Variants in AGMO observed in about 807,000 individuals in gnomAD.
AGMO encodes the protein glyceryl-ether monooxygenase.
Under a neutral mutation model 60.2 loss-of-function variants are expected in AGMO, and 75 were observed. That is an observed-to-expected ratio of 1.25 (90% confidence interval 1.03 to 1.51). The LOEUF (loss-of-function observed/expected upper bound fraction) is 1.51, where lower values mean the gene tolerates loss of function less well. Among genes scored for constraint, AGMO ranks in the 40% most tolerant of loss-of-function variants. The pLI, the probability that AGMO is intolerant of heterozygous loss-of-function variation, is 0.00. For synonymous variants in AGMO, 261 were observed against 177.1 expected, an observed-to-expected ratio of 1.47 and a Z score of -3.76; for missense variants, 763 against 525.5, an observed-to-expected ratio of 1.45 and a Z score of -4.42.
rs769211480 is a variant in AGMO at position 15,555,971 on chromosome 7, A to G, written c.257+4170T>C. Among the ~76,000 whole-genome samples the G allele has an allele frequency of 8.1e-4, 123 of 152,054 alleles. 1 individual carries two copies. The highest frequency in any genetic ancestry group is 2.4e-3 in the Admixed American group (36 of 15,238). On this transcript the variant is annotated intron_variant, in intron 2 of 12. Coordinates refer to ENST00000342526, the MANE Select transcript of AGMO (RefSeq NM_001004320.2). ...TAAGTTAATACATTTAGTATTAATA[A>G]TAAAGTACTATTATTAACGTTACAC...
At chr7:15,547,797 A>G (rs1287745489) in intron 2 of AGMO, among the ~76,000 whole-genome samples, 1 of 151,848 alleles carries the variant, frequency 6.6e-6, no homozygotes, top group African/African-American at 2.4e-5. Flanking sequence ...GGAAGCTCCA[A>G]CTGGGTGGAA....
At chr7:15,269,734 G>A (rs1037463359) in intron 12 of AGMO, among the ~76,000 whole-genome samples, 4 of 151,958 alleles carry the variant, frequency 2.6e-5, no homozygotes, top group Non-Finnish European at 5.9e-5. Flanking sequence ...GAAACCAATA[G>A]GTAAGGCTTC....
intron 2 of AGMO, among the ~76,000 whole-genome samples, chr7:15,551,257 T>C (rs1225283030): frequency 2.0e-5 from 3 of 151,998 alleles, no homozygotes; most frequent in East Asian, 1.9e-4. Context: ...AAAACTGGCA[T>C]AAGATAGGGA....
At chr7:15,406,316 T>A (rs1195119988) in intron 5 of AGMO, among the ~76,000 whole-genome samples, 3 of 145,578 alleles carry the variant, frequency 2.1e-5, no homozygotes. Flanking sequence ...TACATATATA[T>A]GTGTATATAT....
chr7:15,298,855 A>G (rs976932117), intron 12 of AGMO, among the ~76,000 whole-genome samples: 3 of 152,180 alleles, frequency 2.0e-5, no homozygotes, highest in Non-Finnish European at 4.4e-5. Context: ...TTAGTATAAC[A>G]TATCTTCTGA....
chr7:15,266,556 T>C (rs1019884854), intron 12 of AGMO, among the ~76,000 whole-genome samples: 1 of 151,928 alleles, frequency 6.6e-6, no homozygotes, highest in Non-Finnish European at 1.5e-5. Flanking sequence ...CTATTTCCAT[T>C]TGTCTTCTGC....
At chr7:15,287,339 C>G (rs1784126877) in intron 12 of AGMO, among the ~76,000 whole-genome samples, 1 of 152,118 alleles carries the variant, frequency 6.6e-6, no homozygotes. Context: ...CTAGAAATGT[C>G]TCATATCTGA....
At chr7:15,450,717 A>T (rs375955965) in intron 3 of AGMO, among the ~76,000 whole-genome samples, 155 of 152,278 alleles carry the variant, frequency 1.0e-3, no homozygotes, top group African/African-American at 3.4e-3. Context: ...AATTTAGCAA[A>T]TAATGTGCCC....
intron 12 of AGMO, chr7:15,358,404 TAATA>T (rs1562455515): frequency 4.2e-6 from 2 of 471,308 alleles, no homozygotes; most frequent in South Asian, 3.1e-5. Flanking sequence ...TAAGAAGGCA[TAATA>T]ATTAGATTGC....
At chr7:15,281,400 A>C (rs569624456) in intron 12 of AGMO, among the ~76,000 whole-genome samples, 1 of 152,224 alleles carries the variant, frequency 6.6e-6, no homozygotes, top group African/African-American at 2.4e-5. Context: ...TCTCCACAGG[A>C]GAAGGGCCCT....
rs566897456 is a variant in AGMO, at chr7:15,210,600, A to G, written c.1264-9241T>C. On this transcript the variant is annotated intron_variant, in intron 12 of 12. Transcript: ENST00000342526. ...AAAGGAATTGGAGCTTCAGTAATCT[A>G]TATTACTAGGTAACTAACTGTTCAA... 4.6e-5 allele frequency among the ~76,000 whole-genome samples: 7 copies of G among 152,264 alleles called. No individual in the cohort carries two copies. The East Asian group carries it at 1.4e-3, about 29-fold the overall frequency.
chr7:15,299,388 A>T (rs10252826), intron 12 of AGMO, among the ~76,000 whole-genome samples: 5,850 of 152,188 alleles, frequency 0.038, 346 homozygotes, highest in African/African-American at 0.13. Context: ...GTCCCCGAGC[A>T]GACTCTCTGA....
chr7:15,161,838 G>A, the AGMO span, among the ~76,000 whole-genome samples: 1 of 151,964 alleles, frequency 6.6e-6, no homozygotes, highest in Non-Finnish European at 1.5e-5. Flanking sequence ...TATGTGGCCT[G>A]CACAGATGAA....
rs62449265 is a variant in AGMO, at chr7:15,384,277, A to G, written c.1074+1169T>C. Among the ~76,000 whole-genome samples the G allele has an allele frequency of 6.5e-3, 997 of 152,222 alleles. 14 individuals carry two copies. Among genetic ancestry groups the G allele is most frequent in the Non-Finnish European group, 5.6e-3 (380 of 68,004 alleles). ...TTTTAATGCACTAGTTTAAGCTGCT[A>G]TGTAAGCCATTGAGTGTTGCATGCT... On this transcript the variant is annotated intron_variant, in intron 10 of 12. Coordinates refer to ENST00000342526, the MANE Select transcript of AGMO (RefSeq NM_001004320.2).
At chr7:15,172,616 T>C in the AGMO span, among the ~76,000 whole-genome samples, 9 of 152,240 alleles carry the variant, frequency 5.9e-5, no homozygotes, top group Non-Finnish European at 1.2e-4. Context: ...TAATTGAAGT[T>C]CCAGTGAGAG....
intron 12 of AGMO, among the ~76,000 whole-genome samples, chr7:15,270,808 T>TTTAA (rs112862277): frequency 0.12 from 17,690 of 151,312 alleles, 3,484 homozygotes; most frequent in African/African-American, 0.41. Context: ...TATTTAAGTC[T>TTTAA]TTAATTTTTA....
intron 3 of AGMO, among the ~76,000 whole-genome samples, chr7:15,534,002 C>A (rs1159538827): frequency 6.6e-6 from 1 of 151,944 alleles, no homozygotes; most frequent in Non-Finnish European, 1.5e-5. Context: ...AAACTATATA[C>A]TATACATACT....
In AGMO at chr7:15,534,282, A is replaced by G. The variant is rs375084865; in HGVS notation, c.409+10490T>C. On this transcript the variant is annotated intron_variant, in intron 3 of 12. Transcript: ENST00000342526. ...ACATTTTAAAATATAGGCAAAATGT[A>G]CACATTCTAATGGATTTTATTTCTT... Among the ~76,000 whole-genome samples the G allele has an allele frequency of 2.2e-4, 34 of 152,172 alleles. No individual in the cohort carries two copies. The East Asian group carries it at 5.8e-3, about 26-fold the overall frequency.
intron 3 of AGMO, among the ~76,000 whole-genome samples, chr7:15,444,178 A>C (rs1211357803): frequency 6.6e-6 from 1 of 152,186 alleles, no homozygotes; most frequent in African/African-American, 2.4e-5. Flanking sequence ...TATGCTAATC[A>C]GGTAAAATTG....
Sources: allele counts gnomAD v4.1 joint callset (sites outside exome capture counted in the v4.1 genomes callset), GRCh38; gene constraint gnomAD v4.1.1; transcripts MANE v1.5; gene names NCBI Gene and HGNC (gene_info 2026-07-23, HGNC 2026-07-21).